Variants in KAT6B observed in about 807,000 individuals in gnomAD.
KAT6B encodes lysine acetyltransferase 6B, also known as histone acetyltransferase KAT6B.
A neutral mutation model predicts 187.5 loss-of-function variants in KAT6B; 10 were observed. That is an observed-to-expected ratio of 0.05 (90% CI 0.03 to 0.09). The LOEUF (loss-of-function observed/expected upper bound fraction) is 0.09, where lower values mean the gene tolerates loss of function less well. KAT6B is among the 10% of genes least tolerant of loss of function. The pLI is 1.00. For synonymous variants in KAT6B, 861 were observed against 926.8 expected, an observed-to-expected ratio of 0.93 and a Z score of 1.29; for missense variants, 1,952 against 2,558.9, an observed-to-expected ratio of 0.76 and a Z score of 5.12.
chr10:74,851,991 T>G (rs1842509341), intron 3 of KAT6B, among the ~76,000 whole-genome samples: 1 of 152,198 alleles, frequency 6.6e-6, no homozygotes, highest in Non-Finnish European at 1.5e-5. Flanking sequence ...TCCAATAGCC[T>G]GTACTTTATG....
At chr10:75,004,658 AT>A (rs911539907) in intron 13 of KAT6B, among the ~76,000 whole-genome samples, 14 of 152,242 alleles carry the variant, frequency 9.2e-5, no homozygotes, top group African/African-American at 3.4e-4. Context: ...TTCCAACTCT[AT>A]TTTCCATTTA....
intron 13 of KAT6B, among the ~76,000 whole-genome samples, chr10:75,009,753 C>G (rs1401067918): frequency 6.6e-6 from 1 of 152,172 alleles, no homozygotes; most frequent in African/African-American, 2.4e-5. Context: ...TGCCTGTAAT[C>G]TCAGCACTTT....
At chr10:75,011,291 G>C (rs1269112689) in intron 13 of KAT6B, among the ~76,000 whole-genome samples, 2 of 152,032 alleles carry the variant, frequency 1.3e-5, no homozygotes, top group African/African-American at 4.8e-5. Context: ...AAATAAATGT[G>C]TTTTTCCTAA....
chr10:74,928,063 A>G (rs1471816730), intron 3 of KAT6B, among the ~76,000 whole-genome samples: 1 of 152,236 alleles, frequency 6.6e-6, no homozygotes, highest in African/African-American at 2.4e-5. Flanking sequence ...TAATCAGTCT[A>G]CAATGCAAAA....
At chr10:74,969,944 A>G in intron 5 of KAT6B, 76 bp from the exon 6 acceptor site, 1 of 1,116,700 alleles carries the variant, frequency 9.0e-7, no homozygotes. Flanking sequence ...ATTAATGTTA[A>G]TCCAGTAACA....
intron 3 of KAT6B, among the ~76,000 whole-genome samples, chr10:74,945,127 G>A (rs78232266): frequency 0.013 from 2,053 of 152,288 alleles, 48 homozygotes; most frequent in African/African-American, 0.047. Context: ...TCAGATGTCT[G>A]TCAACAGGTA....
At position 74,972,674 on chromosome 10, in the gene KAT6B, GT is replaced by G. The variant is rs1432004537; in HGVS notation, c.1061+39del. On this transcript the variant is annotated intron_variant, in intron 7 of 17. Coordinates refer to ENST00000287239, the MANE Select transcript of KAT6B (RefSeq NM_012330.4). The stretch of plus-strand genomic sequence containing the variant: ...GATCTTATCAAAAGAAATCATTTAT[GT>G]TTTGCTTTAAAATATAGGTGATTGT... 3 of 1,587,952 alleles carry G rather than the reference GT, an allele frequency of 1.9e-6. No individual in the cohort carries two copies. The African/African-American group carries it at 4.0e-5, about 21-fold the overall frequency.
At chr10:74,882,204 A>G (rs565607763) in intron 3 of KAT6B, among the ~76,000 whole-genome samples, 29 of 152,246 alleles carry the variant, frequency 1.9e-4, no homozygotes, top group South Asian at 4.1e-4. Flanking sequence ...CTGCTCAACC[A>G]GAGATTCCTC....
chr10:74,914,194 A>C (rs1453666311), intron 3 of KAT6B, among the ~76,000 whole-genome samples: 1 of 151,800 alleles, frequency 6.6e-6, no homozygotes, highest in Admixed American at 6.5e-5. Flanking sequence ...TCCCACAAAA[A>C]AAAGAAAAAA....
chr10:74,945,708 C>T (rs556228494), intron 3 of KAT6B, among the ~76,000 whole-genome samples: 4 of 152,278 alleles, frequency 2.6e-5, no homozygotes, highest in Non-Finnish European at 4.4e-5. Context: ...CCTCAGCCTC[C>T]CAAAGTGCTG....
At chr10:74,886,084 A>G (rs1845238871) in intron 3 of KAT6B, among the ~76,000 whole-genome samples, 1 of 152,172 alleles carries the variant, frequency 6.6e-6, no homozygotes, top group Admixed American at 6.5e-5. Context: ...CAACTGGGTT[A>G]TCATCAGGCT....
chr10:74,996,271 C>T (rs776853258), intron 13 of KAT6B, among the ~76,000 whole-genome samples: 11 of 152,182 alleles, frequency 7.2e-5, no homozygotes, highest in Non-Finnish European at 1.0e-4. Context: ...ACTGACAAAT[C>T]AACAAATGTT....
chr10:74,911,864 C>T (rs1179592848), intron 3 of KAT6B, among the ~76,000 whole-genome samples: 1 of 152,000 alleles, frequency 6.6e-6, no homozygotes, highest in African/African-American at 2.4e-5. Context: ...GGGTCTTGCT[C>T]TGTTGCTCAG....
chr10:74,893,676 G>A (rs1349936029), intron 3 of KAT6B, among the ~76,000 whole-genome samples: 1 of 151,330 alleles, frequency 6.6e-6, no homozygotes, highest in African/African-American at 2.4e-5. Flanking sequence ...CACCATATTG[G>A]CCAGGCTAGT....
intron 3 of KAT6B, among the ~76,000 whole-genome samples, chr10:74,861,099 G>T (rs952506243): frequency 1.3e-5 from 2 of 151,286 alleles, no homozygotes; most frequent in African/African-American, 4.9e-5. Context: ...TCGTGCCATT[G>T]CACTCCATCC....
intron 3 of KAT6B, among the ~76,000 whole-genome samples, chr10:74,909,168 C>G (rs183236334): frequency 2.0e-5 from 3 of 152,294 alleles, no homozygotes; most frequent in Non-Finnish European, 2.9e-5. Context: ...GTCAGGAGTT[C>G]GAGACTAGCC....
At position 75,029,153 on chromosome 10, in the gene KAT6B, G is replaced by C. The variant is rs1020376454; in HGVS notation, c.4329G>C (p.Glu1443Asp). The change falls in exon 18 of 18, where the codon GAG (glutamate) becomes GAC (aspartate). Residue 1443 changes from glutamate to aspartate, a missense_variant. Physicochemically the swap from Glu to Asp is conservative, Grantham distance 45. Around this residue, in one of 9 missense-constraint regions of KAT6B, gnomAD observed 758 missense variants for 891.4 expected, o/e 0.85. Coordinates refer to ENST00000287239, the MANE Select transcript of KAT6B (RefSeq NM_012330.4). This position sits in a 1 kb window ranked among gnomAD's most constrained non-coding sequence, Gnocchi z 6.2. ...AGTCTGCCGAAGTGGAGAAGGAAGA[G>C]CTGCCCAGAGAAAGCTTCAAAGAAG... ...HMESAEVEKE[E>D]LPRESFKEVL... The C allele has an allele frequency of 6.2e-7, 1 of 1,614,044 alleles. No homozygotes were observed. The highest frequency in any genetic ancestry group is 8.5e-7 in the Non-Finnish European group (1 of 1,180,038).
At chr10:74,868,159 A>G (rs1327118620) in intron 3 of KAT6B, among the ~76,000 whole-genome samples, 2 of 152,198 alleles carry the variant, frequency 1.3e-5, no homozygotes, top group Admixed American at 1.3e-4. Flanking sequence ...TTTATCATGC[A>G]TGCTTAATAA....
At chr10:74,976,432 T>A in intron 8 of KAT6B, 102 bp downstream of exon 8, 1 of 934,864 alleles carries the variant, frequency 1.1e-6, no homozygotes, top group Non-Finnish European at 1.7e-6. Flanking sequence ...ACATAGGTCT[T>A]AGCTATTTCT....
Sources: gnomAD v4.1 joint callset for allele counts (sites outside exome capture counted in the v4.1 genomes callset) on GRCh38, gnomAD v4.1.1 for gene constraint, gnomAD v4.1.1 regional missense constraint, Gnocchi (gnomAD v3.1) non-coding constraint, MANE v1.5 for transcripts, NCBI Gene and HGNC (gene_info 2026-07-23, HGNC 2026-07-21) for gene names.